ZBTB16: variants seen among roughly 807,000 people sequenced by gnomAD.
ZBTB16 encodes zinc finger and BTB domain-containing protein 16.
A neutral mutation model predicts 56.8 loss-of-function variants in ZBTB16; 8 were observed. That is an observed-to-expected ratio of 0.14 (90% CI 0.08 to 0.25). The LOEUF (loss-of-function observed/expected upper bound fraction) is 0.25, where lower values mean the gene tolerates loss of function less well. ZBTB16 is among the 10% of genes least tolerant of loss of function. ZBTB16 has a pLI of 1.00. For missense variants in ZBTB16, 625 were observed against 903.0 expected, an observed-to-expected ratio of 0.69 and a Z score of 3.95; for synonymous variants, 363 against 368.5, an observed-to-expected ratio of 0.98 and a Z score of 0.17.
intron 3 of ZBTB16, among the ~76,000 whole-genome samples, chr11:114,181,690 G>T (rs150372942): frequency 6.6e-6 from 1 of 152,154 alleles, no homozygotes; most frequent in South Asian, 2.1e-4. Flanking sequence ...CAAGTTAGGC[G>T]TGGGATCTCG....
chr11:114,082,036 C>T (rs1353911951), intron 2 of ZBTB16, among the ~76,000 whole-genome samples: 1 of 145,654 alleles, frequency 6.9e-6, no homozygotes, highest in African/African-American at 2.6e-5. Flanking sequence ...CATCCCAGTG[C>T]TTTGGGAGGC....
intron 4 of ZBTB16, among the ~76,000 whole-genome samples, chr11:114,214,557 TA>T (rs1944058437): frequency 6.6e-6 from 1 of 152,174 alleles, no homozygotes; most frequent in Admixed American, 6.6e-5. Context: ...CTGGAGGATT[TA>T]AAGTCTCAGG....
intron 4 of ZBTB16, among the ~76,000 whole-genome samples, chr11:114,191,788 A>G (rs971773583): frequency 2.0e-5 from 3 of 152,172 alleles, no homozygotes; most frequent in Non-Finnish European, 4.4e-5. Flanking sequence ...GCACATATAC[A>G]CACACACGCA....
At chr11:114,158,470 C>T (rs1482831249) in intron 3 of ZBTB16, among the ~76,000 whole-genome samples, 5 of 152,186 alleles carry the variant, frequency 3.3e-5, no homozygotes, top group African/African-American at 4.8e-5. Flanking sequence ...TGATGCCATC[C>T]CCAGCTGTTC....
chr11:114,161,934 G>A (rs1416267048), intron 3 of ZBTB16, among the ~76,000 whole-genome samples: 2 of 152,222 alleles, frequency 1.3e-5, no homozygotes, highest in Non-Finnish European at 2.9e-5. Flanking sequence ...CTTCTGTGCT[G>A]GTTAGGGCCC....
rs1942793919 is a variant in ZBTB16, at chr11:114,167,239, T to TTTG, written c.1366+10807_1366+10808insGTT. Among the ~76,000 whole-genome samples the TTTG allele has an allele frequency of 4.4e-5, 6 of 136,556 alleles. No homozygotes were observed. The East Asian group carries it at 6.4e-4, about 15-fold the overall frequency. 89.6% of individuals were successfully genotyped at this position (136,556 alleles called of 152,430 possible). ...TGGTTTTTTTTTTTTTTGGTTTTTTTTTTTTTTTTTTTTTGACAAGCTTGG... is the reference window on the plus strand; with the variant it reads ...TGGTTTTTTTTTTTTTTGGTTTTTTTTTGTTTTTTTTTTTTTTGACAAGCTTGG... On this transcript the variant is annotated intron_variant, in intron 3 of 6. Coordinates refer to ENST00000335953, the MANE Select transcript of ZBTB16 (RefSeq NM_006006.6).
At chr11:114,126,924 G>A (rs915810792) in intron 2 of ZBTB16, among the ~76,000 whole-genome samples, 1 of 152,176 alleles carries the variant, frequency 6.6e-6, no homozygotes, top group Non-Finnish European at 1.5e-5. Flanking sequence ...CATGTTCCTT[G>A]ATTGTTTTGG....
At chr11:114,086,074 C>G (rs140841207) in intron 2 of ZBTB16, among the ~76,000 whole-genome samples, 2,577 of 152,170 alleles carry the variant, frequency 0.017, 50 homozygotes, top group South Asian at 0.1. Flanking sequence ...GAAGTTCTTA[C>G]GCCCACTAAC....
chr11:114,118,382 G>A (rs932325993), intron 2 of ZBTB16, among the ~76,000 whole-genome samples: 29 of 152,058 alleles, frequency 1.9e-4, no homozygotes, highest in African/African-American at 6.8e-4. Context: ...TTACCATGTT[G>A]GCCAGACTGG....
At chr11:114,091,412 C>A (rs1029027821) in intron 2 of ZBTB16, among the ~76,000 whole-genome samples, 1 of 151,930 alleles carries the variant, frequency 6.6e-6, no homozygotes, top group African/African-American at 2.4e-5. Flanking sequence ...TCCTCCACCC[C>A]CTGGCATGAA....
chr11:114,230,556 C>T (rs1944419216), intron 4 of ZBTB16, among the ~76,000 whole-genome samples: 1 of 145,502 alleles, frequency 6.9e-6, no homozygotes. Context: ...ACCACACTCT[C>T]AGGCCCACAG....
chr11:114,183,824 T>C (rs1427424869), intron 3 of ZBTB16, among the ~76,000 whole-genome samples: 1 of 152,186 alleles, frequency 6.6e-6, no homozygotes, highest in Non-Finnish European at 1.5e-5. Context: ...GCATTTCCAG[T>C]GTAAATGGAT....
intron 2 of ZBTB16, among the ~76,000 whole-genome samples, chr11:114,065,828 C>T (rs938051257): frequency 6.6e-6 from 1 of 152,176 alleles, no homozygotes; most frequent in Non-Finnish European, 1.5e-5. Context: ...GTCCTTACCC[C>T]CTGGTACTTT....
At chr11:114,129,764 A>G (rs1941611987) in intron 2 of ZBTB16, among the ~76,000 whole-genome samples, 1 of 152,184 alleles carries the variant, frequency 6.6e-6, no homozygotes, top group African/African-American at 2.4e-5. Context: ...CCTCCTACAT[A>G]CAGTAATTGT....
In ZBTB16 at chr11:114,084,344, C is replaced by T. The variant is rs562866091; in HGVS notation, c.1268+19776C>T. On this transcript the variant is annotated intron_variant, in intron 2 of 6. Coordinates refer to ENST00000335953, the MANE Select transcript of ZBTB16 (RefSeq NM_006006.6). Reference sequence around the variant, plus strand: ...GGTGGTGATTTAAAAGATTTGGAGGCGGTGGCTTACATTGATTTTAGCTTA... The same window carrying T: ...GGTGGTGATTTAAAAGATTTGGAGGTGGTGGCTTACATTGATTTTAGCTTA... Among the ~76,000 whole-genome samples, 10 of 152,200 alleles carry T rather than the reference C, an allele frequency of 6.6e-5. No individual in the cohort carries two copies. The East Asian group carries it at 1.4e-3, about 21-fold the overall frequency.
At chr11:114,134,159 C>G (rs1047356308) in intron 2 of ZBTB16, among the ~76,000 whole-genome samples, 2 of 152,178 alleles carry the variant, frequency 1.3e-5, no homozygotes, top group African/African-American at 4.8e-5. Flanking sequence ...TTTAGTAGGA[C>G]TCTGCGAGCT....
chr11:114,146,872 A>G (rs1023048020), intron 2 of ZBTB16, among the ~76,000 whole-genome samples: 4 of 150,548 alleles, frequency 2.7e-5, no homozygotes, highest in Admixed American at 6.6e-5. Flanking sequence ...AAAAACCAAA[A>G]CCTGGGTTGA....
At chr11:114,168,615 A>G (rs1176821956) in intron 3 of ZBTB16, among the ~76,000 whole-genome samples, 1 of 152,208 alleles carries the variant, frequency 6.6e-6, no homozygotes, top group Non-Finnish European at 1.5e-5. Flanking sequence ...GCTGGACTTC[A>G]ATCTCCCTCT....
chr11:114,116,931 G>A (rs1941191529), intron 2 of ZBTB16, among the ~76,000 whole-genome samples: 1 of 152,178 alleles, frequency 6.6e-6, no homozygotes, highest in African/African-American at 2.4e-5. Flanking sequence ...AGACATAGCA[G>A]CACTTTATAG....
Sources: allele counts gnomAD v4.1 joint callset (sites outside exome capture counted in the v4.1 genomes callset), GRCh38; gene constraint gnomAD v4.1.1; transcripts MANE v1.5; gene names NCBI Gene and HGNC (gene_info 2026-07-23, HGNC 2026-07-21).